Variants in HOPX observed in about 807,000 individuals in gnomAD.
HOPX encodes HOP homeobox.
HOPX carries 5 observed loss-of-function variants against 11.8 expected under a neutral mutation model. The observed-to-expected ratio is 0.43, with a 90% CI of 0.22 to 0.89. HOPX has a LOEUF of 0.89. Among genes scored for constraint, HOPX ranks in the 40% least tolerant of loss-of-function variants. The pLI, the probability that HOPX is intolerant of heterozygous loss-of-function variation, is 0.28. For missense variants in HOPX, 119 were observed against 120.0 expected (o/e 0.99, Z 0.04); for synonymous variants, 49 against 49.7 (o/e 0.99, Z 0.06).
intron 1 of HOPX, among the ~76,000 whole-genome samples, chr4:56,666,774 G>GGA (rs1718461718): frequency 6.6e-6 from 1 of 152,090 alleles, no homozygotes; most frequent in Non-Finnish European, 1.5e-5. Flanking sequence ...CTTTTCTAAA[G>GGA]GTCTAGTCTA....
chr4:56,655,084 G>A (rs1281926397), intron 3 of HOPX, among the ~76,000 whole-genome samples: 1 of 152,158 alleles, frequency 6.6e-6, no homozygotes, highest in African/African-American at 2.4e-5. Context: ...GATAATACAG[G>A]AGCATTTAAA....
rs371525918 is a variant in HOPX at position 56,648,611 on chromosome 4, G to T, written c.*109C>A. 1.2e-5 allele frequency: 8 copies of T among 667,782 alleles called. No homozygotes were observed. The highest frequency in any genetic ancestry group is 5.1e-5 in the East Asian group (2 of 39,186). The allele number at this position is 667,782 out of a possible 1,614,324, so 41.4% of individuals were successfully genotyped here. On this transcript the variant is annotated 3_prime_UTR_variant, in exon 4 of 4. Transcript: ENST00000420433. ...ACTGTGTTAAACAGCAGGACAGCTA[G>T]CAATGGAACATACAACACTATGCTG...
chr4:56,670,648 A>G (rs1356302555), intron 1 of HOPX, among the ~76,000 whole-genome samples: 1 of 152,210 alleles, frequency 6.6e-6, no homozygotes, highest in Non-Finnish European at 1.5e-5. Context: ...TGCACGGAAG[A>G]GGAAGGGTGC....
At chr4:56,673,870 A>T (rs183340125) in intron 1 of HOPX, among the ~76,000 whole-genome samples, 53 of 147,960 alleles carry the variant, frequency 3.6e-4, no homozygotes, top group Non-Finnish European at 6.5e-4. Flanking sequence ...ATGCCCATCT[A>T]ATTTTTGGAT....
intron 1 of HOPX, among the ~76,000 whole-genome samples, chr4:56,661,991 G>T (rs920441330): frequency 5.3e-5 from 8 of 152,168 alleles, no homozygotes; most frequent in African/African-American, 1.9e-4. Context: ...TTTAAAATAT[G>T]TTAGCCTTAT....
Position 56,657,766 on chromosome 4 carries a change from G to A in HOPX, c.42+9C>T. The A allele has an allele frequency of 9.0e-7, 1 of 1,109,374 alleles. No individual in the cohort carries two copies. Among genetic ancestry groups the A allele is most frequent in the Non-Finnish European group, 1.3e-6 (1 of 742,656 alleles). 68.7% of individuals were successfully genotyped at this position (1,109,374 alleles called of 1,614,324 possible). ...CAACTTCAGAGCTGGGAAGAACCTT[G>A]GAAATTACCTCTTCCAGTCTTCTTC... On this transcript the variant is annotated intron_variant, in intron 2 of 3. Coordinates refer to ENST00000420433, the MANE Select transcript of HOPX (RefSeq NM_032495.6).
At chr4:56,676,840 C>G (rs1002970962) in intron 1 of HOPX, among the ~76,000 whole-genome samples, 1 of 151,090 alleles carries the variant, frequency 6.6e-6, no homozygotes, top group African/African-American at 2.4e-5. Flanking sequence ...CAGCCACGCC[C>G]CTCTTCAGAG....
intron 3 of HOPX, among the ~76,000 whole-genome samples, chr4:56,652,117 G>C (rs59514097): frequency 2.0e-5 from 3 of 151,982 alleles, no homozygotes; most frequent in Non-Finnish European, 2.9e-5. Flanking sequence ...ATGCAACTTA[G>C]AAAGTTATTT....
chr4:56,661,489 A>G (rs890568751), intron 1 of HOPX, among the ~76,000 whole-genome samples: 4 of 152,140 alleles, frequency 2.6e-5, no homozygotes, highest in African/African-American at 7.2e-5. Context: ...CTCCTGGTTT[A>G]TAGAGTGTGT....
At chr4:56,670,657 G>A (rs945152811) in intron 1 of HOPX, among the ~76,000 whole-genome samples, 1 of 152,158 alleles carries the variant, frequency 6.6e-6, no homozygotes, top group African/African-American at 2.4e-5. Flanking sequence ...GAGGAAGGGT[G>A]CTCAAAAGCT....
chr4:56,672,151 G>A (rs1718767492), intron 1 of HOPX, among the ~76,000 whole-genome samples: 1 of 152,050 alleles, frequency 6.6e-6, no homozygotes, highest in South Asian at 2.1e-4. Flanking sequence ...TGACTAATAA[G>A]ATTTCTTAGA....
At chr4:56,673,657 C>T (rs1718855925) in intron 1 of HOPX, among the ~76,000 whole-genome samples, 1 of 152,190 alleles carries the variant, frequency 6.6e-6, no homozygotes. Context: ...GCTTTATAGC[C>T]TTCTCTTGTC....
intron 2 of HOPX, among the ~76,000 whole-genome samples, chr4:56,657,027 A>G (rs1037348125): frequency 2.0e-5 from 3 of 152,196 alleles, no homozygotes; most frequent in Non-Finnish European, 4.4e-5. Flanking sequence ...ACAAGCTTCA[A>G]GATCTCTTGT....
rs1717871764 is a variant in HOPX, at chr4:56,657,968, A to C, written c.-83-69T>G. 14 of 1,422,182 alleles carry C rather than the reference A, an allele frequency of 9.8e-6. No individual in the cohort carries two copies. The South Asian group carries it at 1.0e-4, about 11-fold the overall frequency. The allele number at this position is 1,422,182 out of a possible 1,614,324, so 88.1% of individuals were successfully genotyped here. A position where few individuals can be genotyped will look rare whatever the true frequency, so the allele number is the denominator to read the frequency against. ...GAGCTCATTGCCATTTTGAATGGGC[A>C]TAGACTGTCCTAGTAGGACACCAAT... On this transcript the variant is annotated intron_variant, in intron 1 of 3. Transcript: ENST00000420433.
chr4:56,650,617 T>G, intron 3 of HOPX: 1 of 1,518,714 alleles, frequency 6.6e-7, no homozygotes. Flanking sequence ...CACCTACACC[T>G]CACCCACCTG....
chr4:56,649,027 C>T (rs1716909674), intron 3 of HOPX: 1 of 385,428 alleles, frequency 2.6e-6, no homozygotes, highest in Non-Finnish European at 4.7e-6. Flanking sequence ...GATGATCTCC[C>T]TGTCATCCTC....
At chr4:56,657,422 C>A (rs969934214) in intron 2 of HOPX, among the ~76,000 whole-genome samples, 4 of 152,150 alleles carry the variant, frequency 2.6e-5, no homozygotes, top group Non-Finnish European at 5.9e-5. Context: ...CACTGATGTC[C>A]CGGCAGAATG....
intron 1 of HOPX, among the ~76,000 whole-genome samples, chr4:56,661,853 G>C (rs777825268): frequency 6.6e-6 from 1 of 152,052 alleles, no homozygotes; most frequent in African/African-American, 2.4e-5. Context: ...ATTTCCATTG[G>C]TCACCAAGAA....
chr4:56,667,499 C>T lies in HOPX; in HGVS notation c.-83-9600G>A, dbSNP rs537944354. On this transcript the variant is annotated intron_variant, in intron 1 of 3. Coordinates refer to ENST00000420433, the MANE Select transcript of HOPX (RefSeq NM_032495.6). ...GTTGGAGATGTAATGGATATTCACA[C>T]TTACTAAGCATTAGCACAACCGTAT... Among the ~76,000 whole-genome samples the T allele has an allele frequency of 3.9e-5, 6 of 152,280 alleles. No homozygotes were observed. The East Asian group carries it at 1.2e-3, about 29-fold the overall frequency.
Sources: allele counts gnomAD v4.1 joint callset (sites outside exome capture counted in the v4.1 genomes callset), GRCh38; gene constraint gnomAD v4.1.1; transcripts MANE v1.5; gene names NCBI Gene and HGNC (gene_info 2026-07-23, HGNC 2026-07-21).